The following MRTFB variants were observed in gnomAD, a reference collection of about 807,000 sequenced individuals.
MRTFB encodes myocardin related transcription factor B, also known as myocardin-related transcription factor B.
MRTFB carries 29 observed loss-of-function variants against 104.2 expected under a neutral mutation model. The ratio of observed to expected loss-of-function variants is 0.28; its 90% CI spans 0.21 to 0.38. MRTFB has a LOEUF of 0.38. MRTFB is among the 10% of genes least tolerant of loss of function. The pLI is 1.00. For missense variants in MRTFB, 1,270 were observed against 1,341.6 expected, an observed-to-expected ratio of 0.95 and a Z score of 0.83; for synonymous variants, 535 against 519.5, an observed-to-expected ratio of 1.03 and a Z score of -0.41.
intron 3 of MRTFB, among the ~76,000 whole-genome samples, chr16:14,169,092 A>G (rs775704626): frequency 1.4e-4 from 21 of 152,180 alleles, no homozygotes; most frequent in Non-Finnish European, 2.6e-4. Flanking sequence ...GTGAGCTCTC[A>G]TGTATACCCC....
chr16:14,203,660 GGGCA>G (rs1421205169), intron 3 of MRTFB, among the ~76,000 whole-genome samples: 1 of 151,668 alleles, frequency 6.6e-6, no homozygotes, highest in Non-Finnish European at 1.5e-5. Context: ...CAGATTAGCC[GGGCA>G]TGGTGGTACA....
intron 3 of MRTFB, among the ~76,000 whole-genome samples, chr16:14,192,588 A>G (rs559591352): frequency 3.3e-5 from 5 of 152,300 alleles, no homozygotes; most frequent in African/African-American, 1.2e-4. Context: ...AAACTTCTGT[A>G]AGCCCCTACA....
At chr16:14,234,997 A>G (rs2042430819) in intron 9 of MRTFB, among the ~76,000 whole-genome samples, 1 of 152,184 alleles carries the variant, frequency 6.6e-6, no homozygotes, top group Admixed American at 6.5e-5. Context: ...CTAAAAAAGG[A>G]TATTACAGTT....
chr16:14,129,155 C>A (rs1159215053), intron 2 of MRTFB, among the ~76,000 whole-genome samples: 2 of 152,182 alleles, frequency 1.3e-5, no homozygotes, highest in Non-Finnish European at 2.9e-5. Context: ...TTATTCCAAT[C>A]CATTTAGGTC....
At chr16:14,007,125 A>T in the MRTFB span, among the ~76,000 whole-genome samples, 1 of 152,260 alleles carries the variant, frequency 6.6e-6, no homozygotes, top group African/African-American at 2.4e-5. Context: ...CAGTAAATTC[A>T]GAGTTGTACT....
At chr16:14,150,758 A>G (rs1187600604) in intron 3 of MRTFB, 1 of 152,226 alleles carries the variant, frequency 6.6e-6, no homozygotes, top group East Asian at 1.9e-4. Context: ...CAGTCTGTTT[A>G]TAAAATGAAT....
At chr16:14,174,730 T>A (rs532652006) in intron 3 of MRTFB, among the ~76,000 whole-genome samples, 1 of 152,304 alleles carries the variant, frequency 6.6e-6, no homozygotes, top group South Asian at 2.1e-4. Flanking sequence ...CAATTTTTTT[T>A]AATTTGAATT....
At position 14,261,627 on chromosome 16, in the gene MRTFB, G is replaced by C. The variant is rs899863002; in HGVS notation, c.*183G>C. 1.3e-5 allele frequency: 8 copies of C among 608,070 alleles called. No individual in the cohort carries two copies. The African/African-American group carries it at 1.5e-4, about 11-fold the overall frequency. 37.7% of individuals were successfully genotyped at this position (608,070 alleles called of 1,614,324 possible). A position where few individuals can be genotyped will look rare whatever the true frequency, so the allele number is the denominator to read the frequency against. ...AAAACATTTCATTGTGTTCAGTAGT[G>C]AATTTCTACAGTTTAACATAGCACA... On this transcript the variant is annotated 3_prime_UTR_variant, in exon 17 of 17. Transcript: ENST00000571589.
intron 2 of MRTFB, among the ~76,000 whole-genome samples, chr16:14,109,925 T>G (rs1035917047): frequency 1.3e-5 from 2 of 152,168 alleles, no homozygotes; most frequent in Non-Finnish European, 2.9e-5. Flanking sequence ...GCTCAAGATT[T>G]TCATCACAAA....
the MRTFB span, among the ~76,000 whole-genome samples, chr16:14,034,620 A>G: frequency 6.6e-6 from 1 of 151,178 alleles, no homozygotes; most frequent in Admixed American, 6.6e-5. Flanking sequence ...ATCTCACAAA[A>G]AAAAAAAAAA....
intron 3 of MRTFB, among the ~76,000 whole-genome samples, chr16:14,172,740 G>A (rs2039463406): frequency 6.6e-6 from 1 of 152,114 alleles, no homozygotes; most frequent in South Asian, 2.1e-4. Flanking sequence ...TTTTGATTCA[G>A]TTTCTCTAAT....
At chr16:14,154,062 G>T (rs1190028372) in intron 3 of MRTFB, among the ~76,000 whole-genome samples, 1 of 152,172 alleles carries the variant, frequency 6.6e-6, no homozygotes. Flanking sequence ...GTTGGACATT[G>T]TGGCTCATGC....
intron 3 of MRTFB, among the ~76,000 whole-genome samples, chr16:14,182,089 A>G (rs1303090318): frequency 6.6e-6 from 1 of 152,240 alleles, no homozygotes; most frequent in Non-Finnish European, 1.5e-5. Flanking sequence ...TGTACCACAT[A>G]TAGTAGAGGA....
At chr16:14,136,646 C>G (rs535156672) in intron 2 of MRTFB, among the ~76,000 whole-genome samples, 1 of 152,132 alleles carries the variant, frequency 6.6e-6, no homozygotes, top group Non-Finnish European at 1.5e-5. Flanking sequence ...GCCCAGTAGC[C>G]CAGTATATTT....
chr16:14,232,029 G>C (rs934370877), intron 8 of MRTFB, among the ~76,000 whole-genome samples: 7 of 152,136 alleles, frequency 4.6e-5, no homozygotes, highest in African/African-American at 1.7e-4. Flanking sequence ...GCACAGTCTA[G>C]AAATTTAGGC....
the MRTFB span, among the ~76,000 whole-genome samples, chr16:14,046,853 A>T: frequency 6.6e-6 from 1 of 152,262 alleles, no homozygotes; most frequent in Non-Finnish European, 1.5e-5. Context: ...GCAATTCTTT[A>T]TGCAGTGATT....
At chr16:14,007,312 A>G in the MRTFB span, among the ~76,000 whole-genome samples, 2 of 152,216 alleles carry the variant, frequency 1.3e-5, no homozygotes, top group Non-Finnish European at 2.9e-5. Flanking sequence ...AATTCCACAG[A>G]TGGAATGCCA....
chr16:14,128,323 C>T (rs78155983), intron 2 of MRTFB, among the ~76,000 whole-genome samples: 3,726 of 152,194 alleles, frequency 0.024, 171 homozygotes, highest in African/African-American at 0.085. Context: ...CTCTTAGGTT[C>T]TTAACACAGG....
chr16:14,002,051 G>A, the MRTFB span, among the ~76,000 whole-genome samples: 2 of 152,154 alleles, frequency 1.3e-5, no homozygotes, highest in Admixed American at 1.3e-4. Flanking sequence ...GCTCTCGCTC[G>A]CTGTAAGCCT....
Sources: allele counts gnomAD v4.1 joint callset (sites outside exome capture counted in the v4.1 genomes callset), GRCh38; gene constraint gnomAD v4.1.1; transcripts MANE v1.5; gene names NCBI Gene and HGNC (gene_info 2026-07-23, HGNC 2026-07-21).